The following ATG4C variants were observed in gnomAD, a reference collection of about 807,000 sequenced individuals.
The protein encoded by ATG4C is autophagy related 4C cysteine peptidase.
In ATG4C, 56 loss-of-function variants were observed where a neutral mutation model predicts 57.6. That is an observed-to-expected ratio of 0.97 (90% CI 0.78 to 1.21). The LOEUF (loss-of-function observed/expected upper bound fraction) is 1.21, where lower values mean the gene tolerates loss of function less well. Ranked by LOEUF, ATG4C falls within the 50% of genes most tolerant of loss-of-function variation. ATG4C has a pLI of 0.00. For synonymous variants in ATG4C, 157 were observed against 174.1 expected (o/e 0.90, Z 0.78); for missense variants, 595 against 529.8 (o/e 1.12, Z -1.21).
At chr1:62,854,060 T>G (rs1159144410) in intron 10 of ATG4C, among the ~76,000 whole-genome samples, 1 of 151,974 alleles carries the variant, frequency 6.6e-6, no homozygotes. Context: ...TGCTTACATT[T>G]TTAGTTGTTA....
chr1:62,837,691 G>A (rs545393316), intron 9 of ATG4C, among the ~76,000 whole-genome samples: 1 of 152,286 alleles, frequency 6.6e-6, no homozygotes, highest in South Asian at 2.1e-4. Flanking sequence ...AGAATTACGT[G>A]ATGTGGGCAT....
At chr1:62,857,075 C>T (rs925038928) in intron 10 of ATG4C, among the ~76,000 whole-genome samples, 4 of 152,068 alleles carry the variant, frequency 2.6e-5, no homozygotes, top group Non-Finnish European at 5.9e-5. Context: ...TGCTCTTCGC[C>T]CAGAACTTTT....
intron 1 of ATG4C, among the ~76,000 whole-genome samples, chr1:62,795,857 G>A (rs1036209491): frequency 2.0e-5 from 3 of 151,302 alleles, no homozygotes; most frequent in African/African-American, 7.3e-5. Context: ...AAGAAGAGAA[G>A]ATTTAATAAT....
intron 10 of ATG4C, among the ~76,000 whole-genome samples, chr1:62,857,835 G>T (rs920131259): frequency 6.6e-6 from 1 of 152,088 alleles, no homozygotes; most frequent in African/African-American, 2.4e-5. Context: ...GATTTTGTTT[G>T]CAGTGACAGT....
intron 10 of ATG4C, among the ~76,000 whole-genome samples, chr1:62,847,237 G>C (rs902425711): frequency 1.6e-5 from 2 of 127,928 alleles, no homozygotes; most frequent in Non-Finnish European, 1.7e-5. Context: ...ATAAAAAACA[G>C]AAACCATAAG....
Position 62,834,803 on chromosome 1 carries a change from A to C in ATG4C, c.1040A>C (p.His347Pro), listed in dbSNP as rs1665948201. The C allele has an allele frequency of 1.9e-6, 3 of 1,612,216 alleles. No individual in the cohort carries two copies. Among genetic ancestry groups the C allele is most frequent in the Non-Finnish European group, 2.5e-6 (3 of 1,178,754 alleles). ...GACAGTTTGATTTACATGGATCCTC[A>C]TTACTGCCAATCTTTTGTAGATGTC... is the stretch of plus-strand genomic sequence containing the variant. The part of the protein sequence containing the change: ...QDDSLIYMDP[H>P]YCQSFVDVSI... Residue 347 changes from histidine (H) to proline (P), a missense_variant, in exon 9 of 11, where the codon CAT (histidine) becomes CCT (proline). His to Pro is a moderately conservative substitution (Grantham distance 77). Transcript: ENST00000317868.
intron 10 of ATG4C, among the ~76,000 whole-genome samples, chr1:62,852,368 AT>A (rs1302935475): frequency 6.6e-6 from 1 of 151,730 alleles, no homozygotes; most frequent in Non-Finnish European, 1.5e-5. Context: ...CTGGGAATTG[AT>A]TTTTTTTCTT....
At chr1:62,824,475 A>C (rs573386134) in intron 6 of ATG4C, among the ~76,000 whole-genome samples, 1 of 152,330 alleles carries the variant, frequency 6.6e-6, no homozygotes, top group East Asian at 1.9e-4. Context: ...TGGGAAGATC[A>C]GAAGAGTTTC....
At chr1:62,814,387 T>G (rs948870740) in intron 3 of ATG4C, among the ~76,000 whole-genome samples, 1 of 151,632 alleles carries the variant, frequency 6.6e-6, no homozygotes, top group Non-Finnish European at 1.5e-5. Context: ...TAAGTGGGAG[T>G]TGAACAATGA....
chr1:62,811,635 G>A (rs1665087845), intron 3 of ATG4C, among the ~76,000 whole-genome samples: 1 of 152,144 alleles, frequency 6.6e-6, no homozygotes, highest in South Asian at 2.1e-4. Flanking sequence ...TAGATGACCA[G>A]GACATGATGG....
intron 9 of ATG4C, among the ~76,000 whole-genome samples, chr1:62,838,993 G>C (rs1391133565): frequency 1.3e-5 from 2 of 152,162 alleles, no homozygotes; most frequent in African/African-American, 4.8e-5. Flanking sequence ...TCAGTACAGT[G>C]AGATAGTAAT....
At chr1:62,829,578 C>T (rs1665776836) in intron 7 of ATG4C, among the ~76,000 whole-genome samples, 2 of 151,940 alleles carry the variant, frequency 1.3e-5, no homozygotes, top group Non-Finnish European at 2.9e-5. Flanking sequence ...TAATATGTTT[C>T]CTGTGACACC....
At chr1:62,823,297 C>A (rs539267352) in intron 6 of ATG4C, among the ~76,000 whole-genome samples, 1 of 152,322 alleles carries the variant, frequency 6.6e-6, no homozygotes, top group African/African-American at 2.4e-5. Context: ...CTCGGTCCCA[C>A]CCCTTTTTCT....
At chr1:62,857,037 C>A (rs1396653814) in intron 10 of ATG4C, among the ~76,000 whole-genome samples, 1 of 152,076 alleles carries the variant, frequency 6.6e-6, no homozygotes, top group Non-Finnish European at 1.5e-5. Context: ...ATCCTAGGAC[C>A]TTTACACTCT....
In ATG4C at chr1:62,855,308, A is replaced by G. The variant is rs561952294; in HGVS notation, c.1210-8684A>G. 9.2e-5 allele frequency among the ~76,000 whole-genome samples: 14 copies of G among 152,192 alleles called. No homozygotes were observed. In the South Asian group the frequency reaches 2.7e-3, roughly 29 times the overall value. ...ATTTCCCCTGCTCTGCTGTGCTGTA[A>G]ATGGCCTGATGTAGATTATTTTTTA... On this transcript the variant is annotated intron_variant, in intron 10 of 10. Coordinates refer to ENST00000317868, the MANE Select transcript of ATG4C (RefSeq NM_032852.4).
intron 2 of ATG4C, among the ~76,000 whole-genome samples, chr1:62,804,898 TAAATTA>T (rs1017207961): frequency 5.3e-5 from 8 of 152,288 alleles, no homozygotes; most frequent in Non-Finnish European, 2.9e-5. Context: ...TATCTGAAAA[TAAATTA>T]AAATTAAAAT....
intron 7 of ATG4C, among the ~76,000 whole-genome samples, chr1:62,831,104 C>G (rs368677007): frequency 4.7e-4 from 71 of 152,030 alleles, no homozygotes; most frequent in African/African-American, 1.4e-3. Context: ...CTTTTACTAA[C>G]TTGATTTACA....
At chr1:62,791,890 T>C (rs1280082685) in intron 1 of ATG4C, among the ~76,000 whole-genome samples, 1 of 152,216 alleles carries the variant, frequency 6.6e-6, no homozygotes, top group African/African-American at 2.4e-5. Context: ...ACATTAGACC[T>C]GAAATCTCAT....
In ATG4C at chr1:62,850,071, AT is replaced by A. The variant is rs150506589; in HGVS notation, c.1209+8526del. Among the ~76,000 whole-genome samples the A allele has an allele frequency of 3.3e-3, 504 of 152,310 alleles. 1 individual carries two copies. Among genetic ancestry groups the A allele is most frequent in the African/African-American group, 0.012 (478 of 41,564 alleles). On this transcript the variant is annotated intron_variant, in intron 10 of 10. Transcript: ENST00000317868. ...TTTTATCTTCTGTTCATCCAAAGAA[AT>A]TATGGTACTGAAGTAAATTATAAAA... is the stretch of plus-strand genomic sequence containing the variant.
Sources: allele counts gnomAD v4.1 joint callset (sites outside exome capture counted in the v4.1 genomes callset), GRCh38; gene constraint gnomAD v4.1.1; transcripts MANE v1.5; gene names NCBI Gene and HGNC (gene_info 2026-07-23, HGNC 2026-07-21).